NETO1: variants seen among roughly 807,000 people sequenced by gnomAD.
NETO1 encodes the protein neuropilin and tolloid-like protein 1.
Under a neutral mutation model 61.3 loss-of-function variants are expected in NETO1, and 26 were observed. The ratio of observed to expected loss-of-function variants is 0.42; its 90% confidence interval spans 0.31 to 0.59. The LOEUF is 0.59. NETO1 is among the 20% of genes least tolerant of loss of function. The probability of loss-of-function intolerance (pLI) is 0.12; values close to 1 mark genes in which losing one functional copy is unlikely to be tolerated. For synonymous variants in NETO1, 225 were observed against 225.8 expected (o/e 1.00, Z 0.03); for missense variants, 531 against 662.8 (o/e 0.80, Z 2.18).
chr18:72,754,890 C>A (rs980205094), intron 8 of NETO1, among the ~76,000 whole-genome samples: 1 of 152,174 alleles, frequency 6.6e-6, no homozygotes, highest in Non-Finnish European at 1.5e-5. Flanking sequence ...ACAGCAAATA[C>A]GTATTCTTTT....
At chr18:72,799,259 G>T (rs964487258) in intron 4 of NETO1, among the ~76,000 whole-genome samples, 2 of 152,194 alleles carry the variant, frequency 1.3e-5, no homozygotes, top group African/African-American at 4.8e-5. Context: ...ATGCACAATT[G>T]TTAGGATTAA....
chr18:72,787,041 T>C (rs1334838802), intron 6 of NETO1, among the ~76,000 whole-genome samples: 2 of 150,006 alleles, frequency 1.3e-5, no homozygotes, highest in Non-Finnish European at 3.0e-5. Flanking sequence ...TTTAAATTTC[T>C]TTTCATCAGG....
intron 7 of NETO1, among the ~76,000 whole-genome samples, chr18:72,763,265 T>C (rs1245525747): frequency 6.6e-6 from 1 of 152,158 alleles, no homozygotes; most frequent in Non-Finnish European, 1.5e-5. Flanking sequence ...AAACTATCAT[T>C]GGTAATTTGT....
chr18:72,824,516 T>C (rs779899735), intron 4 of NETO1, among the ~76,000 whole-genome samples: 12 of 152,224 alleles, frequency 7.9e-5, no homozygotes, highest in Admixed American at 2.6e-4. Context: ...ATGAGAATAG[T>C]TCCCAAACAT....
rs142162036 is a variant in NETO1, at chr18:72,768,994, C to T, written c.869-12847G>A. Among the ~76,000 whole-genome samples, 263 of 152,308 alleles carry T rather than the reference C, an allele frequency of 1.7e-3. No individual in the cohort carries two copies. The Middle Eastern group carries it at 0.02, about 12-fold the overall frequency. ...TCTCAGGCAATCTGACTTTGACTAA[C>T]CAGCCTTCTGCCAAAGTGGCCGTCG... On this transcript the variant is annotated intron_variant, in intron 7 of 10. Transcript: ENST00000327305.
chr18:72,769,438 T>C (rs559397312), intron 7 of NETO1, among the ~76,000 whole-genome samples: 2 of 152,274 alleles, frequency 1.3e-5, no homozygotes, highest in Admixed American at 1.3e-4. Flanking sequence ...TACTGATGGG[T>C]TCTTTTCTGA....
At chr18:72,854,805 C>T (rs896784763) in intron 4 of NETO1, among the ~76,000 whole-genome samples, 1 of 149,666 alleles carries the variant, frequency 6.7e-6, no homozygotes, top group African/African-American at 2.4e-5. Context: ...ATAATTTATA[C>T]AAGTAATACC....
intron 3 of NETO1, among the ~76,000 whole-genome samples, chr18:72,859,833 A>T (rs768031593): frequency 6.6e-6 from 1 of 152,162 alleles, no homozygotes; most frequent in Non-Finnish European, 1.5e-5. Flanking sequence ...TGCTTTAAAG[A>T]AGCCTCCTCT....
chr18:72,823,167 G>T (rs1345480787), intron 4 of NETO1, among the ~76,000 whole-genome samples: 1 of 151,980 alleles, frequency 6.6e-6, no homozygotes, highest in Non-Finnish European at 1.5e-5. Flanking sequence ...GCTGTTTTCC[G>T]TATTCCAGAC....
chr18:72,842,687 C>A (rs1166049508), intron 4 of NETO1, among the ~76,000 whole-genome samples: 1 of 152,148 alleles, frequency 6.6e-6, no homozygotes, highest in Non-Finnish European at 1.5e-5. Context: ...TACTTGTTGA[C>A]AATGGGATAG....
At chr18:72,846,536 A>AAGATGCAT (rs2074094336) in intron 4 of NETO1, among the ~76,000 whole-genome samples, 2 of 144,602 alleles carry the variant, frequency 1.4e-5, no homozygotes, top group African/African-American at 5.1e-5. Flanking sequence ...AAAAAAAAAG[A>AAGATGCAT]AGATGCATAG....
At chr18:72,776,124 G>C (rs948394993) in intron 7 of NETO1, among the ~76,000 whole-genome samples, 1 of 152,134 alleles carries the variant, frequency 6.6e-6, no homozygotes, top group East Asian at 1.9e-4. Flanking sequence ...CCCTGGCTTT[G>C]GGCGAGGGAT....
At chr18:72,760,454 A>G (rs2070933859) in intron 7 of NETO1, among the ~76,000 whole-genome samples, 1 of 152,186 alleles carries the variant, frequency 6.6e-6, no homozygotes. Context: ...CAGGACAGAG[A>G]GCCCAGCTGT....
chr18:72,767,277 G>A (rs1440967263), intron 7 of NETO1, among the ~76,000 whole-genome samples: 2 of 151,974 alleles, frequency 1.3e-5, no homozygotes, highest in Admixed American at 1.3e-4. Flanking sequence ...GTATTTTCAG[G>A]GGCAGACATA....
At chr18:72,808,523 G>C (rs909418341) in intron 4 of NETO1, among the ~76,000 whole-genome samples, 2 of 151,734 alleles carry the variant, frequency 1.3e-5, no homozygotes, top group Non-Finnish European at 2.9e-5. Flanking sequence ...TTATGCCACT[G>C]TAAACTAAAT....
intron 4 of NETO1, among the ~76,000 whole-genome samples, chr18:72,851,533 G>C (rs1024824357): frequency 6.6e-6 from 1 of 152,130 alleles, no homozygotes; most frequent in African/African-American, 2.4e-5. Context: ...ATGAGAGCAC[G>C]GTACACACAG....
chr18:72,756,222 T>C, intron 7 of NETO1, 75 bp from the exon 8 acceptor site: 2 of 684,442 alleles, frequency 2.9e-6, no homozygotes, highest in East Asian at 2.7e-5. Flanking sequence ...ACATTACAAA[T>C]CTAAAAAAAA....
chr18:72,757,352 T>C (rs2070817311), intron 7 of NETO1, among the ~76,000 whole-genome samples: 2 of 152,058 alleles, frequency 1.3e-5, no homozygotes, highest in Admixed American at 1.3e-4. Flanking sequence ...TGCAATTTAA[T>C]ATACTTAAGG....
intron 4 of NETO1, among the ~76,000 whole-genome samples, chr18:72,829,452 T>C (rs1361058507): frequency 6.6e-6 from 1 of 152,218 alleles, no homozygotes; most frequent in Non-Finnish European, 1.5e-5. Flanking sequence ...TGATATTATG[T>C]ATCATTATTA....
Sources: allele counts gnomAD v4.1 joint callset (sites outside exome capture counted in the v4.1 genomes callset), GRCh38; gene constraint gnomAD v4.1.1; transcripts MANE v1.5; gene names NCBI Gene and HGNC (gene_info 2026-07-23, HGNC 2026-07-21).